CHL1: variants seen among roughly 807,000 people sequenced by gnomAD.
CHL1 encodes the protein neural cell adhesion molecule L1-like protein.
In CHL1, 96 loss-of-function variants were observed where a neutral mutation model predicts 141.9. The ratio of observed to expected loss-of-function variants is 0.68; its 90% CI spans 0.57 to 0.80. The LOEUF (loss-of-function observed/expected upper bound fraction) is 0.80. Ranked by LOEUF, CHL1 falls within the 30% of genes least tolerant of loss-of-function variation. CHL1 has a pLI of 0.00. For synonymous variants in CHL1, 613 were observed against 502.2 expected, an observed-to-expected ratio of 1.22 and a Z score of -2.95; for missense variants, 1,820 against 1,457.2, an observed-to-expected ratio of 1.25 and a Z score of -4.05.
chr3:266,421 G>A (rs928215069), intron 2 of CHL1, among the ~76,000 whole-genome samples: 1 of 152,170 alleles, frequency 6.6e-6, no homozygotes, highest in African/African-American at 2.4e-5. Context: ...CATTTTGAAG[G>A]TCTGGCTGCA....
rs189044113 is a variant in CHL1 at position 397,973 on chromosome 3, T to G, written c.3095-254T>G. Among the ~76,000 whole-genome samples the G allele has an allele frequency of 7.2e-5, 11 of 152,290 alleles. No individual in the cohort carries two copies. The East Asian group carries it at 1.7e-3, about 24-fold the overall frequency. On this transcript the variant is annotated intron_variant, in intron 24 of 27. Transcript: ENST00000256509. The stretch of plus-strand genomic sequence containing the variant: ...TTTTAAGTCTGTGGTTTTGAACCAT[T>G]CATGTGACCAGGCAGATTTACAGTA...
chr3:265,821 G>A (rs1162431052), intron 2 of CHL1, among the ~76,000 whole-genome samples: 2 of 152,114 alleles, frequency 1.3e-5, no homozygotes, highest in African/African-American at 2.4e-5. Context: ...TAGTAAATTG[G>A]GATAATCAAC....
chr3:330,803 C>A (rs988811756), intron 5 of CHL1, among the ~76,000 whole-genome samples: 2 of 152,102 alleles, frequency 1.3e-5, no homozygotes, highest in Admixed American at 1.3e-4. Context: ...ATAGGGGATT[C>A]TTGTTTTCAG....
chr3:409,123 A>G lies in CHL1; in HGVS notation c.*3412A>G, dbSNP rs1001151972. The G allele has an allele frequency of 1.3e-5, 2 of 152,134 alleles. No homozygotes were observed. Among genetic ancestry groups the G allele is most frequent in the African/African-American group, 4.8e-5 (2 of 41,446 alleles). The allele number at this position is 152,134 out of a possible 1,614,324, so 9.4% of individuals were successfully genotyped here. A position where few individuals can be genotyped will look rare whatever the true frequency, so the allele number is the denominator to read the frequency against. The stretch of plus-strand genomic sequence containing the variant: ...TTGGGTTTGTTATCTGTGGTAGTAT[A>G]TATCCTAGTGTTCCTATAGTGAAAT... On this transcript the variant is annotated 3_prime_UTR_variant, in exon 28 of 28. Coordinates refer to ENST00000256509, the MANE Select transcript of CHL1 (RefSeq NM_006614.4).
intron 1 of CHL1, among the ~76,000 whole-genome samples, chr3:221,221 T>C (rs1426284822): frequency 6.6e-6 from 1 of 152,244 alleles, no homozygotes. Flanking sequence ...TGGGCACGTG[T>C]TCTCAGGATC....
intron 2 of CHL1, among the ~76,000 whole-genome samples, chr3:304,358 A>C (rs1699036461): frequency 6.6e-6 from 1 of 152,150 alleles, no homozygotes. Flanking sequence ...ACGGCTGTGA[A>C]TCCATCTGGT....
chr3:331,209 TTTTGTTTGTTTG>T lies in CHL1; in HGVS notation c.385+2875_385+2886del, dbSNP rs10570525. ...CCTTTCTTTTCTTCCTTTCTGGCTT[TTTTGTTTGTTTG>T]TTTGTTTGTTTGTTTGTTTTTGACA... On this transcript the variant is annotated intron_variant, in intron 5 of 27. Transcript: ENST00000256509. Among the ~76,000 whole-genome samples the T allele has an allele frequency of 7.2e-3, 1,086 of 150,540 alleles. 13 individuals carry two copies. Among genetic ancestry groups the T allele is most frequent in the African/African-American group, 0.025 (1,036 of 40,940 alleles).
intron 15 of CHL1, among the ~76,000 whole-genome samples, chr3:370,174 A>G (rs776608738): frequency 2.6e-5 from 4 of 152,186 alleles, no homozygotes; most frequent in Non-Finnish European, 4.4e-5. Flanking sequence ...AAGGAATGGT[A>G]TCAGCTCCTC....
At chr3:360,600 T>TTTTA (rs1553591502) in intron 12 of CHL1, among the ~76,000 whole-genome samples, 176 bp downstream of exon 12, 4 of 151,460 alleles carry the variant, frequency 2.6e-5, no homozygotes, top group Non-Finnish European at 5.9e-5. Context: ...CTTTTTTTTT[T>TTTTA]TTATTATACT....
intron 2 of CHL1, among the ~76,000 whole-genome samples, chr3:311,156 A>G (rs1699719027): frequency 6.6e-6 from 1 of 152,136 alleles, no homozygotes; most frequent in South Asian, 2.1e-4. Context: ...TCAAATTTTG[A>G]TAAATATAAA....
At chr3:401,723 A>G (rs771219184) in intron 27 of CHL1, 25 bp downstream of exon 27, 6 of 1,294,412 alleles carry the variant, frequency 4.6e-6, no homozygotes, top group Non-Finnish European at 6.5e-6. Context: ...CTGTTGTAAA[A>G]TAAAACACAT....
intron 2 of CHL1, among the ~76,000 whole-genome samples, chr3:277,926 A>T (rs767136731): frequency 2.5e-4 from 38 of 152,304 alleles, no homozygotes; most frequent in Admixed American, 1.3e-3. Flanking sequence ...CAGATTTTAC[A>T]TCTCTGCATC....
chr3:351,003 G>T (rs1559295402), intron 10 of CHL1, among the ~76,000 whole-genome samples: 1 of 151,770 alleles, frequency 6.6e-6, no homozygotes, highest in African/African-American at 2.4e-5. Flanking sequence ...CCCCTCCCTG[G>T]CACACACACA....
chr3:393,484 A>C (rs1708418197), intron 23 of CHL1, among the ~76,000 whole-genome samples: 2 of 152,096 alleles, frequency 1.3e-5, no homozygotes, highest in Admixed American at 1.3e-4. Context: ...CGTTTATTTA[A>C]AAACAAGTTC....
At chr3:268,567 T>G (rs773106668) in intron 2 of CHL1, among the ~76,000 whole-genome samples, 41 of 150,874 alleles carry the variant, frequency 2.7e-4, no homozygotes, top group Non-Finnish European at 5.2e-4. Context: ...TAAAATAAAA[T>G]AAAATAAAAT....
At chr3:366,173 G>T in intron 15 of CHL1, 58 bp downstream of exon 15, 1 of 1,537,834 alleles carries the variant, frequency 6.5e-7, no homozygotes, top group South Asian at 1.2e-5. Flanking sequence ...ACTTGCATTT[G>T]ATTTAAAAAG....
intron 27 of CHL1, among the ~76,000 whole-genome samples, chr3:404,680 G>A (rs1709393447): frequency 6.6e-6 from 1 of 152,108 alleles, no homozygotes; most frequent in East Asian, 1.9e-4. Context: ...GAATGTGATT[G>A]ATTTTTAAAA....
chr3:249,420 A>T (rs557998369), intron 2 of CHL1, among the ~76,000 whole-genome samples: 40 of 152,296 alleles, frequency 2.6e-4, no homozygotes, highest in African/African-American at 9.6e-4. Context: ...GGGAAAAAAG[A>T]AGAAACATGT....
chr3:238,549 C>A (rs1208786086), intron 1 of CHL1, among the ~76,000 whole-genome samples: 2 of 152,068 alleles, frequency 1.3e-5, no homozygotes, highest in Non-Finnish European at 1.5e-5. Context: ...TGCTTGAGTA[C>A]TAGGAAGGCA....
Sources: allele counts gnomAD v4.1 joint callset (sites outside exome capture counted in the v4.1 genomes callset), GRCh38; gene constraint gnomAD v4.1.1; transcripts MANE v1.5; gene names NCBI Gene and HGNC (gene_info 2026-07-23, HGNC 2026-07-21).